Variants in ABL2 observed in about 807,000 individuals in gnomAD.
ABL2 encodes ABL proto-oncogene 2, non-receptor tyrosine kinase.
A neutral mutation model predicts 107.7 loss-of-function variants in ABL2; 49 were observed. The ratio of observed to expected loss-of-function variants is 0.45; its 90% CI spans 0.36 to 0.58. ABL2 has a LOEUF of 0.58. Ranked by LOEUF, ABL2 falls within the 20% of genes least tolerant of loss-of-function variation. The pLI, the probability that ABL2 is intolerant of heterozygous loss-of-function variation, is 0.00. For synonymous variants in ABL2, 549 were observed against 548.6 expected, an observed-to-expected ratio of 1.00 and a Z score of -0.01; for missense variants, 1,245 against 1,457.0, an observed-to-expected ratio of 0.85 and a Z score of 2.37.
rs1655709319 is a variant in ABL2, at chr1:179,126,234, T to C, written c.687+143A>G. On this transcript the variant is annotated intron_variant, in intron 4 of 11. Transcript: ENST00000502732. This position sits in a 1 kb window ranked among gnomAD's most constrained non-coding sequence, Gnocchi z 4.4. ...CTTTTCAAGAGTACAAGCTCTAACA[T>C]GCCAAAAAGCCCAAACTCACAAAGC... 4.3e-6 allele frequency: 4 copies of C among 923,610 alleles called. No individual in the cohort carries two copies. The highest frequency in any genetic ancestry group is 4.8e-6 in the Non-Finnish European group (3 of 623,440). 57.2% of individuals were successfully genotyped at this position (923,610 alleles called of 1,614,324 possible). A position where few individuals can be genotyped will look rare whatever the true frequency, so the allele number is the denominator to read the frequency against.
intron 1 of ABL2, among the ~76,000 whole-genome samples, chr1:179,155,734 TAAA>T (rs58943276): frequency 3.8e-5 from 5 of 132,584 alleles, no homozygotes; most frequent in African/African-American, 8.1e-5. Context: ...CCATCTCAAT[TAAA>T]AAAAAAAAAA....
intron 1 of ABL2, among the ~76,000 whole-genome samples, chr1:179,215,772 C>T (rs1403914453): frequency 6.6e-6 from 1 of 151,520 alleles, no homozygotes; most frequent in Non-Finnish European, 1.5e-5. Flanking sequence ...CTTCAGGTAT[C>T]AACCTTTCTT....
intron 1 of ABL2, among the ~76,000 whole-genome samples, chr1:179,149,723 A>C (rs1011688538): frequency 6.6e-6 from 1 of 152,238 alleles, no homozygotes; most frequent in Non-Finnish European, 1.5e-5. Context: ...GAATAAGAGC[A>C]CATCTATGTA....
Position 179,109,255 on chromosome 1 carries a change from G to A in ABL2, c.2012C>T (p.Ser671Phe), listed in dbSNP as rs866259173. 1 of 1,614,130 alleles carries A rather than the reference G, an allele frequency of 6.2e-7. No homozygotes were observed. Among genetic ancestry groups the A allele is most frequent in the Non-Finnish European group, 8.5e-7 (1 of 1,180,032 alleles). The change falls in exon 12 of 12, where the codon TCC becomes TTC. Residue 671 changes from serine (S) to phenylalanine (F), a missense_variant. Transcript: ENST00000502732. ...NAPTPPKRSS[S>F]FREMENQPHK... ...GGGCTGATTCTCCATTTCTCGGAAG[G>A]AGCTGCTGCGTTTGGGGGGTGTAGG...
intron 1 of ABL2, chr1:179,222,075 G>A (rs1241387286): frequency 5.2e-6 from 1 of 191,134 alleles, no homozygotes; most frequent in Non-Finnish European, 1.2e-5. Context: ...TTCTTCCAAG[G>A]AGATGATCAC....
At chr1:179,135,718 C>T (rs1430250213) in intron 1 of ABL2, among the ~76,000 whole-genome samples, 2 of 147,082 alleles carry the variant, frequency 1.4e-5, no homozygotes, top group African/African-American at 5.0e-5. Flanking sequence ...CCCGGCCGCC[C>T]CTACTGGGAA....
At chr1:179,218,186 C>T (rs987050206) in intron 1 of ABL2, among the ~76,000 whole-genome samples, 4 of 122,426 alleles carry the variant, frequency 3.3e-5, no homozygotes, top group Non-Finnish European at 5.6e-5. Flanking sequence ...TCCCTGATAA[C>T]TCCAGATTTT....
chr1:179,155,986 T>A (rs1658665316), intron 1 of ABL2, among the ~76,000 whole-genome samples: 1 of 152,174 alleles, frequency 6.6e-6, no homozygotes, highest in Non-Finnish European at 1.5e-5. Flanking sequence ...TATGTGTGGG[T>A]ATTCATTAGG....
chr1:179,185,275 A>G (rs1660618986), intron 1 of ABL2, among the ~76,000 whole-genome samples: 1 of 152,198 alleles, frequency 6.6e-6, no homozygotes, highest in Admixed American at 6.5e-5. Flanking sequence ...CTCTTTTGGC[A>G]TGTTAAATTG....
chr1:179,188,469 C>T (rs567670136), intron 1 of ABL2, among the ~76,000 whole-genome samples: 1 of 151,950 alleles, frequency 6.6e-6, no homozygotes, highest in African/African-American at 2.4e-5. Flanking sequence ...ATTGTTTGAA[C>T]GCGGGAGGTA....
At chr1:179,121,902 A>G (rs773675441) in intron 4 of ABL2, 35 bp from the exon 5 acceptor site, 2 of 1,389,242 alleles carry the variant, frequency 1.4e-6, no homozygotes, top group Non-Finnish European at 1.9e-6. Context: ...AACAACTTGA[A>G]AAGAGATTAA....
At chr1:179,184,338 A>G in intron 1 of ABL2, 1 of 587,672 alleles carries the variant, frequency 1.7e-6, no homozygotes, top group South Asian at 2.3e-5. Context: ...TTCAAAGTCC[A>G]CTGAAATCAA....
intron 1 of ABL2, among the ~76,000 whole-genome samples, chr1:179,205,995 G>C (rs1661950389): frequency 6.6e-6 from 1 of 152,064 alleles, no homozygotes; most frequent in South Asian, 2.1e-4. Flanking sequence ...TATTAGATAG[G>C]TATCATTATC....
chr1:179,215,160 C>CAA (rs772472092), intron 1 of ABL2, among the ~76,000 whole-genome samples: 1 of 129,674 alleles, frequency 7.7e-6, no homozygotes. Flanking sequence ...ACTCAGTCTC[C>CAA]AAAAAAAAAA....
chr1:179,208,761 A>G (rs28991593), intron 1 of ABL2, among the ~76,000 whole-genome samples: 3,903 of 152,288 alleles, frequency 0.026, 127 homozygotes, highest in Admixed American at 0.065. Flanking sequence ...TAGTAGGATA[A>G]TGTGTCTGAC....
rs1170613606 is a variant in ABL2 at position 179,186,193 on chromosome 1, C to A, written c.157+43048G>T. 2.6e-5 allele frequency among the ~76,000 whole-genome samples: 4 copies of A among 151,814 alleles called. No homozygotes were observed. The East Asian group carries it at 7.8e-4, about 30-fold the overall frequency. On this transcript the variant is annotated intron_variant, in intron 1 of 11. Coordinates refer to ENST00000502732, the MANE Select transcript of ABL2 (RefSeq NM_007314.4). Reference sequence around the variant, plus strand: ...CTGGGAGGCAGAGGTTACAGTGAGCCGAGATGGCATCACTGCACTCCAGCC... The same window carrying A: ...CTGGGAGGCAGAGGTTACAGTGAGCAGAGATGGCATCACTGCACTCCAGCC...
chr1:179,102,043 T>C lies in ABL2; in HGVS notation c.*5675A>G, dbSNP rs1200910168. The C allele has an allele frequency of 1.6e-5, 2 of 122,284 alleles. No individual in the cohort carries two copies. The highest frequency in any genetic ancestry group is 6.7e-5 in the African/African-American group (2 of 29,918). 7.6% of individuals were successfully genotyped at this position (122,284 alleles called of 1,614,324 possible). A position where few individuals can be genotyped will look rare whatever the true frequency, so the allele number is the denominator to read the frequency against. ...TTTTTTTTTTTTTTGAGACGGAGTC[T>C]CACTGTCACCCAGGCTGGAGTGCAG... is the stretch of plus-strand genomic sequence containing the variant. On this transcript the variant is annotated 3_prime_UTR_variant, in exon 12 of 12. Transcript: ENST00000502732.
chr1:179,211,788 C>A, intron 1 of ABL2, among the ~76,000 whole-genome samples: 1 of 114,370 alleles, frequency 8.7e-6, no homozygotes, highest in Non-Finnish European at 1.9e-5. Flanking sequence ...AAGAATCCTT[C>A]TCGAAAAAAA....
At chr1:179,217,052 T>C (rs1318403356) in intron 1 of ABL2, among the ~76,000 whole-genome samples, 3 of 151,496 alleles carry the variant, frequency 2.0e-5, no homozygotes, top group Admixed American at 6.6e-5. Flanking sequence ...TACCAACACT[T>C]TGGGAGGCCA....
Sources: gnomAD v4.1 joint callset for allele counts (sites outside exome capture counted in the v4.1 genomes callset) on GRCh38, gnomAD v4.1.1 for gene constraint, Gnocchi (gnomAD v3.1) non-coding constraint, MANE v1.5 for transcripts, NCBI Gene and HGNC (gene_info 2026-07-23, HGNC 2026-07-21) for gene names.